Variants in ANO2 observed in about 807,000 individuals in gnomAD.
The protein encoded by ANO2 is anoctamin 2, also known as anoctamin-2.
In ANO2, 101 loss-of-function variants were observed where a neutral mutation model predicts 124.2. The ratio of observed to expected loss-of-function variants is 0.81; its 90% CI spans 0.69 to 0.96. The LOEUF is 0.96. Ranked by LOEUF, ANO2 falls within the 40% of genes least tolerant of loss-of-function variation. ANO2 has a pLI of 0.00. For synonymous variants in ANO2, 486 were observed against 482.5 expected (o/e 1.01, Z -0.09); for missense variants, 1,293 against 1,274.5 (o/e 1.01, Z -0.22).
intron 23 of ANO2, 54 bp from the exon 24 acceptor site, chr12:5,565,717 G>T: frequency 7.0e-7 from 1 of 1,436,808 alleles, no homozygotes; most frequent in Non-Finnish European, 9.5e-7. Context: ...GAAAAGGGTG[G>T]TCATTCTCTG....
intron 14 of ANO2, among the ~76,000 whole-genome samples, chr12:5,665,062 A>G (rs1202048886): frequency 6.6e-6 from 1 of 152,076 alleles, no homozygotes; most frequent in African/African-American, 2.4e-5. Context: ...CCTTAAGCCA[A>G]CCAATAACCC....
intron 22 of ANO2, among the ~76,000 whole-genome samples, chr12:5,577,276 C>T (rs10774345): frequency 0.22 from 32,765 of 152,244 alleles, 4,126 homozygotes; most frequent in Admixed American, 0.32. Flanking sequence ...CTGTTTGCCT[C>T]CCAAGGGAAA....
chr12:5,687,181 G>A (rs1048059567), intron 14 of ANO2, among the ~76,000 whole-genome samples: 7 of 152,182 alleles, frequency 4.6e-5, no homozygotes, highest in Non-Finnish European at 1.0e-4. Context: ...CCAAATGATC[G>A]GACAAGGCGC....
intron 14 of ANO2, among the ~76,000 whole-genome samples, chr12:5,667,033 T>G (rs1281781843): frequency 1.3e-5 from 2 of 152,180 alleles, no homozygotes; most frequent in Non-Finnish European, 2.9e-5. Flanking sequence ...ACTCTGAACT[T>G]ACTGTCACAT....
At chr12:5,814,477 G>C (rs1343803353) in intron 7 of ANO2, among the ~76,000 whole-genome samples, 1 of 152,128 alleles carries the variant, frequency 6.6e-6, no homozygotes, top group Non-Finnish European at 1.5e-5. Context: ...GACCTTCTCC[G>C]ACTACTCTAT....
chr12:5,799,767 C>T (rs1952985351), intron 9 of ANO2, among the ~76,000 whole-genome samples, 196 bp from the exon 10 acceptor site: 1 of 152,204 alleles, frequency 6.6e-6, no homozygotes, highest in Non-Finnish European at 1.5e-5. Context: ...CAGAGATGAA[C>T]TTTATCACAC....
chr12:5,881,407 G>T (rs1317673317), intron 3 of ANO2, among the ~76,000 whole-genome samples: 1 of 152,116 alleles, frequency 6.6e-6, no homozygotes, highest in Non-Finnish European at 1.5e-5. Flanking sequence ...GGAGCCAAGG[G>T]CACAGCCACA....
chr12:5,829,368 G>C (rs1201968589), intron 6 of ANO2, among the ~76,000 whole-genome samples: 3 of 152,062 alleles, frequency 2.0e-5, no homozygotes, highest in Non-Finnish European at 4.4e-5. Flanking sequence ...AAAAAAAAGA[G>C]ATCTATGCCC....
At chr12:5,625,139 G>A (rs1432657874) in intron 16 of ANO2, among the ~76,000 whole-genome samples, 1 of 152,170 alleles carries the variant, frequency 6.6e-6, no homozygotes, top group Non-Finnish European at 1.5e-5. Context: ...TTCTGAACAG[G>A]GGAAGGATGT....
chr12:5,866,052 C>T (rs915795750), intron 3 of ANO2, among the ~76,000 whole-genome samples: 1 of 152,206 alleles, frequency 6.6e-6, no homozygotes, highest in Non-Finnish European at 1.5e-5. Flanking sequence ...TGATCCCATC[C>T]CAAATCCAAG....
intron 24 of ANO2, among the ~76,000 whole-genome samples, chr12:5,563,775 A>G (rs1297105393): frequency 6.6e-6 from 1 of 152,194 alleles, no homozygotes; most frequent in East Asian, 1.9e-4. Flanking sequence ...TGTCAGGATG[A>G]AACGGGTTCA....
At chr12:5,915,512 T>G (rs1182182149) in intron 3 of ANO2, among the ~76,000 whole-genome samples, 1 of 152,198 alleles carries the variant, frequency 6.6e-6, no homozygotes, top group African/African-American at 2.4e-5. Context: ...TAAGGCTAAG[T>G]GAATCATTTT....
intron 13 of ANO2, chr12:5,733,209 G>A (rs1447083449): frequency 2.4e-6 from 1 of 421,626 alleles, no homozygotes; most frequent in Non-Finnish European, 4.4e-6. Context: ...CCTGTTTCCT[G>A]TGCAGCCTCG....
chr12:5,748,855 T>G (rs1424343701), intron 11 of ANO2, among the ~76,000 whole-genome samples: 1 of 140,952 alleles, frequency 7.1e-6, no homozygotes, highest in Non-Finnish European at 1.5e-5. Flanking sequence ...CCCCTTCCTT[T>G]TTCCCTTCAC....
At chr12:5,770,633 G>C (rs139703233) in intron 10 of ANO2, among the ~76,000 whole-genome samples, 1 of 152,060 alleles carries the variant, frequency 6.6e-6, no homozygotes, top group East Asian at 1.9e-4. Flanking sequence ...GGCCAAACAC[G>C]GTCCCTGCAA....
intron 15 of ANO2, among the ~76,000 whole-genome samples, chr12:5,644,554 A>G (rs11836484): frequency 2.0e-3 from 306 of 152,290 alleles, no homozygotes; most frequent in African/African-American, 5.9e-3. Context: ...CTTACATAGT[A>G]TTGTTGCATA....
rs183059034 is a variant in ANO2 at position 5,624,078 on chromosome 12, C to T, written c.1817-8781G>A. ...GATACTCCTGTGGCCCAGAGAGCTT[C>T]CTAGCACAGGGGGCCTATCCCTCAG... On this transcript the variant is annotated intron_variant, in intron 16 of 24. Transcript: ENST00000682330. 4.2e-3 allele frequency among the ~76,000 whole-genome samples: 638 copies of T among 152,226 alleles called. 2 individuals carry two copies. The highest frequency in any genetic ancestry group is 6.4e-3 in the Non-Finnish European group (436 of 68,006).
At chr12:5,861,676 C>T (rs1225763059) in intron 3 of ANO2, among the ~76,000 whole-genome samples, 7 of 152,088 alleles carry the variant, frequency 4.6e-5, no homozygotes, top group African/African-American at 9.7e-5. Flanking sequence ...CATCGGCGCC[C>T]GGGAATGGCG....
chr12:5,645,359 A>T (rs1382968581), intron 15 of ANO2, among the ~76,000 whole-genome samples: 3 of 152,150 alleles, frequency 2.0e-5, no homozygotes, highest in Non-Finnish European at 2.9e-5. Context: ...ACTGCACTCC[A>T]GCCTGGGTGA....
Sources: allele counts gnomAD v4.1 joint callset (sites outside exome capture counted in the v4.1 genomes callset), GRCh38; gene constraint gnomAD v4.1.1; transcripts MANE v1.5; gene names NCBI Gene and HGNC (gene_info 2026-07-23, HGNC 2026-07-21).